Variants in EXOC6 observed in about 807,000 individuals in gnomAD.
The protein encoded by EXOC6 is SEC15-like 1.
In EXOC6, 60 loss-of-function variants were observed where a neutral mutation model predicts 112.5. The observed-to-expected ratio is 0.53, with a 90% CI of 0.43 to 0.66. The LOEUF is 0.66. Ranked by LOEUF, EXOC6 falls within the 30% of genes least tolerant of loss-of-function variation. The probability of loss-of-function intolerance (pLI) is 0.00; values close to 1 mark genes in which losing one functional copy is unlikely to be tolerated. For synonymous variants in EXOC6, 295 were observed against 308.0 expected, an observed-to-expected ratio of 0.96 and a Z score of 0.44; for missense variants, 855 against 957.1, an observed-to-expected ratio of 0.89 and a Z score of 1.41.
chr10:92,997,390 C>A, intron 18 of EXOC6, 84 bp from the exon 19 acceptor site: 1 of 1,287,582 alleles, frequency 7.8e-7, no homozygotes. Flanking sequence ...AAAAGAATGC[C>A]AGGTGTATGA....
chr10:92,840,903 C>G (rs1419003648), intron 1 of EXOC6, among the ~76,000 whole-genome samples: 1 of 152,138 alleles, frequency 6.6e-6, no homozygotes, highest in African/African-American at 2.4e-5. Context: ...AGAAATCCGC[C>G]TGCCTTGGCC....
At chr10:92,902,036 G>A (rs1459572672) in intron 5 of EXOC6, among the ~76,000 whole-genome samples, 1 of 149,798 alleles carries the variant, frequency 6.7e-6, no homozygotes, top group Non-Finnish European at 1.5e-5. Context: ...CAAAAACAAG[G>A]AACTAAGATG....
At chr10:92,998,331 C>T (rs1843588695) in intron 19 of EXOC6, among the ~76,000 whole-genome samples, 1 of 151,902 alleles carries the variant, frequency 6.6e-6, no homozygotes, top group African/African-American at 2.4e-5. Flanking sequence ...AATGAAAATC[C>T]CTGGTTGACA....
chr10:93,039,005 A>T (rs1291553188), intron 20 of EXOC6, among the ~76,000 whole-genome samples: 1 of 151,910 alleles, frequency 6.6e-6, no homozygotes, highest in Non-Finnish European at 1.5e-5. Flanking sequence ...CCACCTATAT[A>T]TGTATATATA....
chr10:92,969,028 C>T (rs897025424), intron 17 of EXOC6, among the ~76,000 whole-genome samples: 1 of 152,132 alleles, frequency 6.6e-6, no homozygotes, highest in South Asian at 2.1e-4. Flanking sequence ...GAAGTGGGGA[C>T]CTGTATCCCC....
chr10:92,972,262 C>G (rs1350523114), intron 17 of EXOC6, among the ~76,000 whole-genome samples: 2 of 152,102 alleles, frequency 1.3e-5, no homozygotes, highest in East Asian at 3.9e-4. Flanking sequence ...TTGATCCCAG[C>G]CAGTGTCCAG....
intron 1 of EXOC6, among the ~76,000 whole-genome samples, chr10:92,886,380 A>G (rs569537028): frequency 1.3e-5 from 2 of 152,332 alleles, no homozygotes; most frequent in African/African-American, 4.8e-5. Flanking sequence ...ACTATTAGCT[A>G]TGCCTCAGTT....
chr10:92,884,063 A>T (rs1564799572), intron 1 of EXOC6, among the ~76,000 whole-genome samples: 1 of 151,840 alleles, frequency 6.6e-6, no homozygotes. Context: ...CAACTGGCTA[A>T]TTTTTTTGTA....
Position 92,955,710 on chromosome 10 carries a change from T to C in EXOC6, c.1769T>C (p.Phe590Ser). Residue 590 changes from phenylalanine (F) to serine (S), a missense_variant, in exon 17 of 22, where the codon TTC (phenylalanine) becomes TCC (serine). By Grantham distance (155) the Phe-to-Ser change is radical. This residue lies in a region of EXOC6 where 450 missense variants were observed against 563.5 expected (regional missense o/e 0.80). Coordinates refer to ENST00000260762, the MANE Select transcript of EXOC6 (RefSeq NM_019053.6). ...HTTRLYGLST[F>S]KDARHAAEGE... is the part of the protein sequence containing the mutation. ...ACAAGACTTTATGGACTTTCTACTT[T>C]CAAGGTATGTAAAAATTTGACCAAA... 6.2e-7 allele frequency: 1 copy of C among 1,603,668 alleles called. No homozygotes were observed.
intron 12 of EXOC6, among the ~76,000 whole-genome samples, chr10:92,936,502 G>A (rs976564681): frequency 2.0e-5 from 3 of 152,226 alleles, no homozygotes; most frequent in African/African-American, 7.2e-5. Flanking sequence ...TTAAAAATAA[G>A]GAGGATTGTT....
intron 12 of EXOC6, 49 bp from the exon 13 acceptor site, chr10:92,940,678 A>G: frequency 8.0e-7 from 1 of 1,254,668 alleles, no homozygotes; most frequent in South Asian, 1.3e-5. Context: ...TTTTTAATGA[A>G]TATTTTTGTA....
chr10:92,841,614 AT>A (rs1410226502), intron 1 of EXOC6, among the ~76,000 whole-genome samples: 1 of 152,210 alleles, frequency 6.6e-6, no homozygotes, highest in African/African-American at 2.4e-5. Flanking sequence ...CAGTTACCCA[AT>A]TTTTGCTGGA....
chr10:92,971,689 A>G (rs886253765), intron 17 of EXOC6, among the ~76,000 whole-genome samples: 2 of 152,006 alleles, frequency 1.3e-5, no homozygotes, highest in East Asian at 1.9e-4. Context: ...AATAATTTCT[A>G]TTTATATTCC....
intron 9 of EXOC6, among the ~76,000 whole-genome samples, chr10:92,928,639 C>A (rs1289185957): frequency 7.0e-5 from 10 of 143,836 alleles, no homozygotes; most frequent in African/African-American, 5.1e-5. Context: ...GAAAGATAGA[C>A]AGCGAATTTA....
At chr10:93,048,278 T>A (rs1438975471) in intron 20 of EXOC6, among the ~76,000 whole-genome samples, 1 of 150,958 alleles carries the variant, frequency 6.6e-6, no homozygotes, top group Non-Finnish European at 1.5e-5. Flanking sequence ...AAAAAAAATC[T>A]AAGTTACATT....
intron 19 of EXOC6, among the ~76,000 whole-genome samples, chr10:93,009,575 G>A (rs753656874): frequency 5.3e-5 from 8 of 152,188 alleles, no homozygotes; most frequent in Non-Finnish European, 1.0e-4. Context: ...ACAGGAAGTT[G>A]CAGTGAGAAC....
chr10:92,898,126 G>A (rs4933241), intron 4 of EXOC6, among the ~76,000 whole-genome samples: 119,660 of 151,936 alleles, frequency 0.79, 48,348 homozygotes, highest in East Asian at 1. Context: ...GAAAGGATGT[G>A]AGAAGTCATA....
chr10:93,043,764 C>A (rs531248776), intron 20 of EXOC6, among the ~76,000 whole-genome samples: 1 of 152,306 alleles, frequency 6.6e-6, no homozygotes, highest in African/African-American at 2.4e-5. Flanking sequence ...CCATTTAATT[C>A]CAGTGGCTGC....
intron 19 of EXOC6, among the ~76,000 whole-genome samples, chr10:93,009,881 T>C (rs962188460): frequency 6.6e-6 from 1 of 152,212 alleles, no homozygotes; most frequent in Non-Finnish European, 1.5e-5. Context: ...TGGGGAACTA[T>C]TGAAGGATGT....
Sources: allele counts gnomAD v4.1 joint callset (sites outside exome capture counted in the v4.1 genomes callset), GRCh38; gene constraint gnomAD v4.1.1; regional missense constraint gnomAD v4.1.1; transcripts MANE v1.5; gene names NCBI Gene and HGNC (gene_info 2026-07-23, HGNC 2026-07-21).